Variants in TRIM13 observed in about 807,000 individuals in gnomAD.
TRIM13 encodes the protein tripartite motif containing 13.
TRIM13 carries 15 observed loss-of-function variants against 27.1 expected under a neutral mutation model. The observed-to-expected ratio is 0.55, with a 90% CI of 0.37 to 0.85. The LOEUF is 0.85. Ranked by LOEUF, TRIM13 falls within the 40% of genes least tolerant of loss-of-function variation. The pLI, the probability that TRIM13 is intolerant of heterozygous loss-of-function variation, is 0.00. For missense variants in TRIM13, 402 were observed against 472.2 expected, an observed-to-expected ratio of 0.85 and a Z score of 1.38; for synonymous variants, 193 against 171.5, an observed-to-expected ratio of 1.13 and a Z score of -0.98.
chr13:49,998,306 G>A (rs984309315), intron 1 of TRIM13, among the ~76,000 whole-genome samples: 1 of 152,034 alleles, frequency 6.6e-6, no homozygotes, highest in Non-Finnish European at 1.5e-5. Context: ...CTAAAACCGG[G>A]CTGTTCTGTT....
chr13:50,012,804 CAT>C lies in TRIM13; in HGVS notation c.866_867del (p.Ile289LysfsTer7), dbSNP rs1875818787. On this transcript the variant is annotated frameshift_variant, in exon 2 of 2. Coordinates refer to ENST00000378182, the MANE Select transcript of TRIM13 (RefSeq NM_213590.3). LOFTEE classifies it high-confidence loss of function. The part of the protein sequence containing the change: ...KNFDTSQWED[I>X]KLVDVDKLSL... Reference sequence around the variant, plus strand: ...ACTTTGATACCAGTCAGTGGGAAGACATAAAACTAGTCGATGTGGATAAACTT... The same window carrying C: ...ACTTTGATACCAGTCAGTGGGAAGACAAAACTAGTCGATGTGGATAAACTT... 1.2e-6 allele frequency: 2 copies of C among 1,613,984 alleles called. No individual in the cohort carries two copies. Among genetic ancestry groups the C allele is most frequent in the African/African-American group, 1.3e-5 (1 of 74,926 alleles).
intron 1 of TRIM13, among the ~76,000 whole-genome samples, chr13:50,004,276 G>A (rs145724347): frequency 1.4e-3 from 213 of 152,038 alleles, no homozygotes; most frequent in African/African-American, 4.7e-3. Context: ...TGGGCAACAT[G>A]CTGAAACATC....
intron 1 of TRIM13, among the ~76,000 whole-genome samples, chr13:49,999,820 GCTTATGATTAAA>G (rs919346907): frequency 5.3e-5 from 8 of 152,164 alleles, no homozygotes; most frequent in African/African-American, 1.7e-4. Flanking sequence ...ATTTTAGAGA[GCTTATGATTAAA>G]CCCCTTCATT....
chr13:50,005,756 TG>T (rs1874619509), intron 1 of TRIM13, among the ~76,000 whole-genome samples: 1 of 150,972 alleles, frequency 6.6e-6, no homozygotes, highest in South Asian at 2.1e-4. Flanking sequence ...TTTTTTTTTT[TG>T]TGATGGAGTT....
Position 50,018,330 on chromosome 13 carries a change from T to C in TRIM13, c.*5166T>C, listed in dbSNP as rs958288354. 3 of 166,716 alleles carry C rather than the reference T, an allele frequency of 1.8e-5. No homozygotes were observed. Among genetic ancestry groups the C allele is most frequent in the African/African-American group, 7.2e-5 (3 of 41,468 alleles). 10.3% of individuals were successfully genotyped at this position (166,716 alleles called of 1,614,324 possible). A position where few individuals can be genotyped will look rare whatever the true frequency, so the allele number is the denominator to read the frequency against. Reference sequence around the variant, plus strand: ...TTTGTATCTTAATTCTTTTATGAGATGTTCTGTAACATTTTTCTCACTTTG... The same window carrying C: ...TTTGTATCTTAATTCTTTTATGAGACGTTCTGTAACATTTTTCTCACTTTG... On this transcript the variant is annotated 3_prime_UTR_variant, in exon 2 of 2. Coordinates refer to ENST00000378182, the MANE Select transcript of TRIM13 (RefSeq NM_213590.3).
intron 1 of TRIM13, among the ~76,000 whole-genome samples, chr13:50,002,124 T>C (rs1313768341): frequency 6.6e-6 from 1 of 152,124 alleles, no homozygotes; most frequent in African/African-American, 2.4e-5. Context: ...GCATGATGGC[T>C]TATGCTTGTA....
Position 50,014,471 on chromosome 13 carries a change from GTGT to G in TRIM13, c.*1312_*1314del, listed in dbSNP as rs1275366038. The G allele has an allele frequency of 3.0e-5, 5 of 165,414 alleles. No individual in the cohort carries two copies. Among genetic ancestry groups the G allele is most frequent in the Admixed American group, 6.7e-5 (1 of 14,996 alleles). 10.2% of individuals were successfully genotyped at this position (165,414 alleles called of 1,614,324 possible). A position where few individuals can be genotyped will look rare whatever the true frequency, so the allele number is the denominator to read the frequency against. ...AGACTACCTTTTTTCTGGCAGCTAT[GTGT>G]TGTTTTGTTCGAAAGATGGCAAGTG... On this transcript the variant is annotated 3_prime_UTR_variant, in exon 2 of 2. Coordinates refer to ENST00000378182, the MANE Select transcript of TRIM13 (RefSeq NM_213590.3).
rs1180951783 is a variant in TRIM13 at position 50,014,846 on chromosome 13, G to T, written c.*1682G>T. On this transcript the variant is annotated 3_prime_UTR_variant, in exon 2 of 2. Coordinates refer to ENST00000378182, the MANE Select transcript of TRIM13 (RefSeq NM_213590.3). ...GTTGAGAGGAGGTAATGAAAATGGG[G>T]ACAGGATAAAAGGTGGCAACTAAAT... 6.0e-6 allele frequency: 1 copy of T among 166,336 alleles called. No individual in the cohort carries two copies. Among genetic ancestry groups the T allele is most frequent in the Non-Finnish European group, 1.5e-5 (1 of 67,996 alleles). The allele number at this position is 166,336 out of a possible 1,614,324, so 10.3% of individuals were successfully genotyped here.
In TRIM13 at chr13:50,015,982, A is replaced by C. The variant is rs773850032; in HGVS notation, c.*2818A>C. The C allele has an allele frequency of 1.4e-5, 22 of 1,613,954 alleles. No homozygotes were observed. Among genetic ancestry groups the C allele is most frequent in the Non-Finnish European group, 1.9e-5 (22 of 1,179,934 alleles). ...ACTTTTTCCCTCCTCAGATGACCTT[A>C]CTTCCACTGCCTCCACAAAGACCTT... is the stretch of plus-strand genomic sequence containing the variant. On this transcript the variant is annotated 3_prime_UTR_variant, in exon 2 of 2. Coordinates refer to ENST00000378182, the MANE Select transcript of TRIM13 (RefSeq NM_213590.3).
chr13:50,011,456 A>G (rs988156415), intron 1 of TRIM13, among the ~76,000 whole-genome samples: 1 of 152,256 alleles, frequency 6.6e-6, no homozygotes, highest in African/African-American at 2.4e-5. Context: ...AAATATGCCA[A>G]TTCATAATAA....
At chr13:49,998,220 C>T (rs1342914490) in intron 1 of TRIM13, among the ~76,000 whole-genome samples, 1 of 152,164 alleles carries the variant, frequency 6.6e-6, no homozygotes, top group Non-Finnish European at 1.5e-5. Flanking sequence ...ATGGGAGCGT[C>T]CCTATCCCTC....
chr13:50,009,178 T>C, intron 1 of TRIM13, among the ~76,000 whole-genome samples: 1 of 152,166 alleles, frequency 6.6e-6, no homozygotes, highest in East Asian at 1.9e-4. Flanking sequence ...GGAAAATAAC[T>C]ATTTTCCAAA....
Position 50,016,305 on chromosome 13 carries a change from C to T in TRIM13, c.*3141C>T, listed in dbSNP as rs1213521815. On this transcript the variant is annotated 3_prime_UTR_variant, in exon 2 of 2. Coordinates refer to ENST00000378182, the MANE Select transcript of TRIM13 (RefSeq NM_213590.3). Reference sequence around the variant, plus strand: ...ACAAAAGGAATAAATGAAGACTGCCCAGAAAAAACTGAGACTATGGACATT... The same window carrying T: ...ACAAAAGGAATAAATGAAGACTGCCTAGAAAAAACTGAGACTATGGACATT... The T allele has an allele frequency of 3.7e-5, 16 of 433,340 alleles. No homozygotes were observed. The highest frequency in any genetic ancestry group is 8.5e-6 in the Non-Finnish European group (2 of 235,500). The allele number at this position is 433,340 out of a possible 1,614,324, so 26.8% of individuals were successfully genotyped here. A position where few individuals can be genotyped will look rare whatever the true frequency, so the allele number is the denominator to read the frequency against.
At position 50,013,150 on chromosome 13, in the gene TRIM13, T is replaced by C; in HGVS notation, c.1210T>C (p.Tyr404His). The C allele has an allele frequency of 6.4e-7, 1 of 1,560,344 alleles. No homozygotes were observed. Among genetic ancestry groups the C allele is most frequent in the Non-Finnish European group, 8.6e-7 (1 of 1,156,592 alleles). ...LNNVAEFVCKYKLL is the reference protein window; with the variant it reads ...LNNVAEFVCKHKLL ...CAATGTGGCAGAATTTGTGTGCAAA[T>C]ATAAACTATTATAAAATCTGTTTCA... Residue 404 changes from tyrosine (Y) to histidine (H), a missense_variant, in exon 2 of 2, where the codon TAT becomes CAT. Around this residue, in one of 2 missense-constraint regions of TRIM13, gnomAD observed 200 missense variants for 194.7 expected, o/e 1.03. Transcript: ENST00000378182.
intron 1 of TRIM13, among the ~76,000 whole-genome samples, chr13:50,006,276 G>A (rs1874698831): frequency 2.0e-5 from 3 of 151,844 alleles, no homozygotes; most frequent in African/African-American, 7.3e-5. Flanking sequence ...GATCACATTT[G>A]TTTGCCTGAA....
In TRIM13 at chr13:50,014,956, T is replaced by C. The variant is rs1566445893; in HGVS notation, c.*1792T>C. ...AGGCTGTCTCATTCCTAACATGTAA[T>C]TCATGATTTAGCCACTAAATTTCTA... On this transcript the variant is annotated 3_prime_UTR_variant, in exon 2 of 2. Transcript: ENST00000378182. 6.0e-6 allele frequency: 1 copy of C among 165,758 alleles called. No homozygotes were observed. Among genetic ancestry groups the C allele is most frequent in the Non-Finnish European group, 1.5e-5 (1 of 67,906 alleles). The allele number at this position is 165,758 out of a possible 1,614,324, so 10.3% of individuals were successfully genotyped here.
At chr13:50,005,510 C>G (rs1874571884) in intron 1 of TRIM13, among the ~76,000 whole-genome samples, 1 of 151,654 alleles carries the variant, frequency 6.6e-6, no homozygotes, top group Non-Finnish European at 1.5e-5. Flanking sequence ...CCTGTCTCTA[C>G]TAAAAATACA....
chr13:49,998,101 A>G (rs1417965410), intron 1 of TRIM13, among the ~76,000 whole-genome samples: 1 of 152,162 alleles, frequency 6.6e-6, no homozygotes, highest in Non-Finnish European at 1.5e-5. Flanking sequence ...TGAGTTTTCT[A>G]GAGACCTTTA....
chr13:50,015,097 ATATATATAT>A lies in TRIM13; in HGVS notation c.*1934_*1942del, dbSNP rs1566447319. On this transcript the variant is annotated 3_prime_UTR_variant, in exon 2 of 2. Transcript: ENST00000378182. ...TAATAAAAAAAAAAAAAAAAAAAAT[ATATATATAT>A]ATATATATATATATATATATATATA... The A allele has an allele frequency of 0.028, 94 of 3,408 alleles. 4 individuals carry two copies. Among genetic ancestry groups the A allele is most frequent in the African/African-American group, 0.058 (91 of 1,578 alleles). 0.2% of individuals were successfully genotyped at this position (3,408 alleles called of 1,614,324 possible). A position where few individuals can be genotyped will look rare whatever the true frequency, so the allele number is the denominator to read the frequency against.
Sources: allele counts gnomAD v4.1 joint callset (sites outside exome capture counted in the v4.1 genomes callset), GRCh38; gene constraint gnomAD v4.1.1; regional missense constraint gnomAD v4.1.1; transcripts MANE v1.5; gene names NCBI Gene and HGNC (gene_info 2026-07-23, HGNC 2026-07-21).